The following LRRIQ1 variants were observed in gnomAD, a reference collection of about 807,000 sequenced individuals.
LRRIQ1 encodes leucine rich repeats and IQ motif containing 1, also known as leucine-rich repeat- and IQ domain-containing protein 1.
A neutral mutation model predicts 211.9 loss-of-function variants in LRRIQ1; 210 were observed. The observed-to-expected ratio is 0.99, with a 90% CI of 0.89 to 1.11. LRRIQ1 has a LOEUF of 1.11. Ranked by LOEUF, LRRIQ1 falls within the 50% of genes most tolerant of loss-of-function variation. The probability of loss-of-function intolerance (pLI) is 0.00; values close to 1 mark genes in which losing one functional copy is unlikely to be tolerated. For missense variants in LRRIQ1, 2,136 were observed against 1,939.5 expected, an observed-to-expected ratio of 1.10 and a Z score of -1.90; for synonymous variants, 699 against 650.1, an observed-to-expected ratio of 1.08 and a Z score of -1.14.
At position 85,160,647 on chromosome 12, in the gene LRRIQ1, T is replaced by G. The variant is rs761433062; in HGVS notation, c.4755T>G (p.Asn1585Lys). 2.8e-5 allele frequency: 45 copies of G among 1,610,388 alleles called. No homozygotes were observed. The East Asian group carries it at 9.8e-4, about 35-fold the overall frequency. The change falls in exon 24 of 27, where the codon AAT becomes AAG. Residue 1585 changes from asparagine to lysine, a missense_variant. Asn to Lys is a moderately conservative substitution (Grantham distance 94). Transcript: ENST00000393217. ...STVRLALFKNNENKVSLPKSP... is the reference protein window; with the variant it reads ...STVRLALFKNKENKVSLPKSP... ...TGCGTCTAGCCTTATTCAAAAACAA[T>G]GAAAATAAAGTGTCTCTTCCAAAAT... is the stretch of plus-strand genomic sequence containing the variant.
At chr12:85,088,554 G>T (rs921540272) in intron 11 of LRRIQ1, among the ~76,000 whole-genome samples, 1 of 152,166 alleles carries the variant, frequency 6.6e-6, no homozygotes, top group African/African-American at 2.4e-5. Context: ...CCATTTTCAT[G>T]ATGTTGATTC....
At chr12:85,263,847 C>A (rs190159861) in exon 2 of LRRIQ1, 1 of 151,980 alleles carries the variant, frequency 6.6e-6, no homozygotes, top group East Asian at 1.9e-4. Context: ...AACCTATTTT[C>A]TAAAATTACA....
intron 14 of LRRIQ1, among the ~76,000 whole-genome samples, chr12:85,105,796 A>AT (rs5799719): frequency 0.65 from 83,288 of 127,506 alleles, 29,269 homozygotes; most frequent in East Asian, 0.96. Context: ...CTTTCTTTCT[A>AT]TTTTTTTTTT....
At chr12:85,246,612 T>C (rs1354756594), downstream of LRRIQ1, among the ~76,000 whole-genome samples, 1 of 151,374 alleles carries the variant, frequency 6.6e-6, no homozygotes, top group Non-Finnish European at 1.5e-5. Flanking sequence ...TTATGGATTT[T>C]AGAGATATAA....
At chr12:85,262,105 T>C (rs186082912) in intron 1 of LRRIQ1, among the ~76,000 whole-genome samples, 43 of 152,280 alleles carry the variant, frequency 2.8e-4, no homozygotes, top group African/African-American at 1.0e-3. Flanking sequence ...TTTAATAGTA[T>C]TCTTGATATG....
chr12:85,132,112 G>C (rs1888805611), intron 18 of LRRIQ1, among the ~76,000 whole-genome samples: 1 of 152,046 alleles, frequency 6.6e-6, no homozygotes, highest in Non-Finnish European at 1.5e-5. Context: ...ATTTGAGCAG[G>C]ATCCATTTTG....
intron 6 of LRRIQ1, among the ~76,000 whole-genome samples, 175 bp from the exon 7 acceptor site, chr12:85,052,000 ATG>A (rs1880385075): frequency 1.3e-5 from 2 of 152,278 alleles, no homozygotes; most frequent in South Asian, 4.1e-4. Flanking sequence ...CCTAGGTATT[ATG>A]TGACACTTCA....
At position 85,072,540 on chromosome 12, in the gene LRRIQ1, C is replaced by CTTT. The variant is rs35694626; in HGVS notation, c.2696-358_2696-356dup. 3.3e-4 allele frequency among the ~76,000 whole-genome samples: 47 copies of CTTT among 141,452 alleles called. 1 individual carries two copies. Among genetic ancestry groups the CTTT allele is most frequent in the South Asian group, 8.9e-4 (4 of 4,482 alleles). The allele number at this position is 141,452 out of a possible 152,430, so 92.8% of individuals were successfully genotyped here. On this transcript the variant is annotated intron_variant, in intron 10 of 26. Coordinates refer to ENST00000393217, the MANE Select transcript of LRRIQ1 (RefSeq NM_001079910.2). ...TGTTATTGATTTGTCGTTAATCAGC[C>CTTT]TTTTTTTTTTTGGTAAATCCTTTGG...
downstream of LRRIQ1, among the ~76,000 whole-genome samples, chr12:85,267,894 T>C (rs1336968232): frequency 6.6e-6 from 1 of 152,016 alleles, no homozygotes; most frequent in Non-Finnish European, 1.5e-5. Context: ...ACAAACTCTC[T>C]GAGCCTGTTT....
At chr12:85,110,916 T>C (rs896013219) in intron 15 of LRRIQ1, among the ~76,000 whole-genome samples, 6 of 152,098 alleles carry the variant, frequency 3.9e-5, no homozygotes, top group Non-Finnish European at 7.4e-5. Flanking sequence ...TATATATTAC[T>C]TTATTTCACA....
intron 13 of LRRIQ1, 99 bp from the exon 14 acceptor site, chr12:85,103,905 A>G: frequency 2.1e-6 from 1 of 483,154 alleles, no homozygotes; most frequent in Non-Finnish European, 3.6e-6. Flanking sequence ...GTATAATTAT[A>G]TAATTGTATT....
chr12:85,184,301 A>G (rs1187234112), intron 24 of LRRIQ1, among the ~76,000 whole-genome samples: 1 of 152,076 alleles, frequency 6.6e-6, no homozygotes, highest in Admixed American at 6.6e-5. Flanking sequence ...ATTAACTTGC[A>G]GTGCAATTCC....
chr12:85,150,777 T>G (rs1890190013), intron 19 of LRRIQ1, among the ~76,000 whole-genome samples: 1 of 101,794 alleles, frequency 9.8e-6, no homozygotes, highest in Non-Finnish European at 2.0e-5. Flanking sequence ...CTTTTTCCAA[T>G]AACGCATTTT....
chr12:85,154,555 T>C (rs1173558209), intron 23 of LRRIQ1, among the ~76,000 whole-genome samples: 1 of 151,374 alleles, frequency 6.6e-6, no homozygotes, highest in Non-Finnish European at 1.5e-5. Flanking sequence ...ATATATTTTA[T>C]GATTTTGTAG....
At chr12:85,114,896 A>G (rs939462457) in intron 15 of LRRIQ1, among the ~76,000 whole-genome samples, 2 of 152,200 alleles carry the variant, frequency 1.3e-5, no homozygotes, top group African/African-American at 4.8e-5. Flanking sequence ...TAAGCAGTGT[A>G]TTCCAATGAA....
intron 8 of LRRIQ1, among the ~76,000 whole-genome samples, chr12:85,063,440 C>T (rs898800375): frequency 2.0e-5 from 3 of 151,522 alleles, no homozygotes; most frequent in Admixed American, 2.0e-4. Context: ...ATTTATGGGA[C>T]ACATGATATA....
At chr12:85,225,419 C>T (rs1894603494) in intron 24 of LRRIQ1, among the ~76,000 whole-genome samples, 2 of 152,034 alleles carry the variant, frequency 1.3e-5, no homozygotes, top group Non-Finnish European at 2.9e-5. Context: ...TAAATATTAA[C>T]CAGTGGTTGT....
At chr12:85,177,801 A>G (rs1327869643) in intron 24 of LRRIQ1, among the ~76,000 whole-genome samples, 1 of 152,164 alleles carries the variant, frequency 6.6e-6, no homozygotes, top group Non-Finnish European at 1.5e-5. Flanking sequence ...ATTAATAGGA[A>G]GGAAACAAGA....
In LRRIQ1 at chr12:85,098,438, C is replaced by A. The variant is rs200596040; in HGVS notation, c.2971C>A (p.Pro991Thr). 1.9e-6 allele frequency: 3 copies of A among 1,609,676 alleles called. No homozygotes were observed. The Admixed American group carries it at 5.0e-5, about 27-fold the overall frequency. Reference protein sequence around the residue: ...LINTKGLCDTPTIVYLDCSHN... With the variant: ...LINTKGLCDTTTIVYLDCSHN... Reference sequence around the variant, plus strand: ...TAATACAAAAGGTCTTTGTGATACACCTACCATTGTATACCTAGATTGCTC... The same window carrying A: ...TAATACAAAAGGTCTTTGTGATACAACTACCATTGTATACCTAGATTGCTC... The change falls in exon 12 of 27, where the codon CCT (proline) becomes ACT (threonine). Residue 991 changes from proline (P) to threonine (T), a missense_variant. By Grantham distance (38) the Pro-to-Thr change is conservative (BLOSUM62 -1). Transcript: ENST00000393217.
Sources: allele counts gnomAD v4.1 joint callset (sites outside exome capture counted in the v4.1 genomes callset), GRCh38; gene constraint gnomAD v4.1.1; transcripts MANE v1.5; gene names NCBI Gene and HGNC (gene_info 2026-07-23, HGNC 2026-07-21).